CPVL: variants seen among roughly 807,000 people sequenced by gnomAD.
The protein encoded by CPVL is probable serine carboxypeptidase CPVL.
In CPVL, 51 loss-of-function variants were observed where a neutral mutation model predicts 63.7. That is an observed-to-expected ratio of 0.80 (90% confidence interval 0.64 to 1.01). The LOEUF (loss-of-function observed/expected upper bound fraction) is 1.01. CPVL is among the 50% of genes least tolerant of loss of function. CPVL has a pLI of 0.00. For missense variants in CPVL, 530 were observed against 573.1 expected (o/e 0.92, Z 0.77); for synonymous variants, 195 against 206.0 (o/e 0.95, Z 0.46).
rs548449184 is a variant in CPVL at position 29,126,520 on chromosome 7, A to C, written c.-10-5449T>G. The C allele has an allele frequency of 3.9e-5, 6 of 152,310 alleles. No homozygotes were observed. The East Asian group carries it at 1.2e-3, about 29-fold the overall frequency. The allele number at this position is 152,310 out of a possible 1,614,324, so 9.4% of individuals were successfully genotyped here. ...CCAGTAGCATAATCAGATTTGCAAG[A>C]CCTCAAGAAAAGAAACCTGAAAATG... On this transcript the variant is annotated intron_variant, in intron 1 of 12. Coordinates refer to ENST00000265394, the MANE Select transcript of CPVL (RefSeq NM_031311.5).
chr7:29,135,674 G>A (rs551936946), intron 1 of CPVL, among the ~76,000 whole-genome samples: 3 of 151,452 alleles, frequency 2.0e-5, no homozygotes, highest in African/African-American at 4.8e-5. Context: ...AAATACATAA[G>A]AGTTATTTAT....
rs964437207 is a variant in CPVL, at chr7:29,091,881, A to T, written c.542+742T>A. Among the ~76,000 whole-genome samples the T allele has an allele frequency of 6.6e-5, 10 of 152,098 alleles. 1 individual carries two copies. The highest frequency in any genetic ancestry group is 2.2e-4 in the African/African-American group (9 of 41,392). On this transcript the variant is annotated intron_variant, in intron 6 of 12. Coordinates refer to ENST00000265394, the MANE Select transcript of CPVL (RefSeq NM_031311.5). Reference sequence around the variant, plus strand: ...TATTAGATGCACTTTCGCTTTGAGGATTGGTAGTAATTAACAGAGTGCTTG... The same window carrying T: ...TATTAGATGCACTTTCGCTTTGAGGTTTGGTAGTAATTAACAGAGTGCTTG...
chr7:29,086,638 G>T (rs1785230777), intron 6 of CPVL, 88 bp from the exon 7 acceptor site: 1 of 976,976 alleles, frequency 1.0e-6, no homozygotes, highest in South Asian at 1.3e-5. Context: ...CTAACTCTTT[G>T]GCAATAGGTT....
At chr7:29,157,721 C>G (rs959908575) in intron 5 of CPVL, among the ~76,000 whole-genome samples, 3 of 152,268 alleles carry the variant, frequency 2.0e-5, no homozygotes, top group Non-Finnish European at 2.9e-5. Context: ...TGAACAAGAT[C>G]TGGTGATAGA....
At chr7:29,080,998 G>A (rs1584202533) in intron 7 of CPVL, among the ~76,000 whole-genome samples, 1 of 152,280 alleles carries the variant, frequency 6.6e-6, no homozygotes, top group South Asian at 2.1e-4. Context: ...CCCATCCACT[G>A]CCACAACCTC....
chr7:29,039,759 T>C (rs962074048), intron 11 of CPVL, among the ~76,000 whole-genome samples: 7 of 152,126 alleles, frequency 4.6e-5, no homozygotes, highest in African/African-American at 1.7e-4. Flanking sequence ...ATTACAGAAA[T>C]ACCAGAGAAG....
intron 3 of CPVL, among the ~76,000 whole-genome samples, chr7:29,107,423 T>C (rs1176370874): frequency 6.6e-6 from 1 of 152,228 alleles, no homozygotes; most frequent in Non-Finnish European, 1.5e-5. Context: ...CAGAATGTAA[T>C]GCTGGGATGG....
intron 12 of CPVL, among the ~76,000 whole-genome samples, chr7:29,026,257 A>T (rs1787482515): frequency 6.6e-6 from 1 of 152,148 alleles, no homozygotes; most frequent in Non-Finnish European, 1.5e-5. Context: ...AAATTTAAAC[A>T]TTTCTTGAAA....
chr7:29,052,030 T>A (rs1282550789), intron 11 of CPVL, among the ~76,000 whole-genome samples: 1 of 151,772 alleles, frequency 6.6e-6, no homozygotes, highest in African/African-American at 2.4e-5. Flanking sequence ...TTGGAGACTA[T>A]CAAGCGAAGT....
chr7:29,037,552 C>CAAAAAAAAA (rs35631871), intron 11 of CPVL, among the ~76,000 whole-genome samples: 5 of 56,336 alleles, frequency 8.9e-5, no homozygotes, highest in Non-Finnish European at 9.4e-5. Context: ...GACTCCATCT[C>CAAAAAAAAA]AAAAAAAAAA....
chr7:29,192,365 A>G (rs1782999104), intron 1 of CPVL: 1 of 152,222 alleles, frequency 6.6e-6, no homozygotes, highest in African/African-American at 2.4e-5. Context: ...TCTCCAGTTA[A>G]AACACTATGA....
intron 3 of CPVL, chr7:29,185,406 A>G (rs924473435): frequency 6.6e-6 from 1 of 152,216 alleles, no homozygotes; most frequent in Non-Finnish European, 1.5e-5. Context: ...ATTTTCTCAT[A>G]TCATGATGTC....
At chr7:29,187,086 G>A (rs141470946) in intron 1 of CPVL, among the ~76,000 whole-genome samples, 1 of 152,286 alleles carries the variant, frequency 6.6e-6, no homozygotes, top group Non-Finnish European at 1.5e-5. Context: ...CTTAAGGAGA[G>A]TGACTTTTCT....
intron 12 of CPVL, among the ~76,000 whole-genome samples, chr7:28,997,857 A>G (rs1784242753): frequency 6.6e-6 from 1 of 152,224 alleles, no homozygotes; most frequent in Non-Finnish European, 1.5e-5. Flanking sequence ...TATTTCACAT[A>G]TTACAGTGAG....
At chr7:29,195,374 G>A, upstream of CPVL, 2 of 228,456 alleles carry the variant, frequency 8.8e-6, no homozygotes, top group African/African-American at 2.3e-5. Context: ...GCCGTGCCGC[G>A]CCCGCTACCC....
chr7:29,172,013 G>GA (rs1013955652), intron 5 of CPVL, among the ~76,000 whole-genome samples: 1 of 152,136 alleles, frequency 6.6e-6, no homozygotes, highest in Non-Finnish European at 1.5e-5. Flanking sequence ...GTACACAGGA[G>GA]AAAAAACTCA....
chr7:29,025,593 T>C lies in CPVL; in HGVS notation c.1320+4984A>G, dbSNP rs141745820. ...AAACATCCAAACCATATCAGCTACCTGCAAGAAACTCACATCAGCTGCAAA... is the reference window on the plus strand; with the variant it reads ...AAACATCCAAACCATATCAGCTACCCGCAAGAAACTCACATCAGCTGCAAA... On this transcript the variant is annotated intron_variant, in intron 12 of 12. Coordinates refer to ENST00000265394, the MANE Select transcript of CPVL (RefSeq NM_031311.5). Among the ~76,000 whole-genome samples, 133 of 152,246 alleles carry C rather than the reference T, an allele frequency of 8.7e-4. 1 individual carries two copies. The highest frequency in any genetic ancestry group is 3.1e-3 in the African/African-American group (127 of 41,530).
At chr7:29,021,852 TCCCTGAACCCCTGCA>T (rs1787016450) in intron 12 of CPVL, among the ~76,000 whole-genome samples, 1 of 151,892 alleles carries the variant, frequency 6.6e-6, no homozygotes, top group African/African-American at 2.4e-5. Context: ...CATATCTACA[TCCCTGAACCCCTGCA>T]GACACCCCCC....
intron 6 of CPVL, among the ~76,000 whole-genome samples, chr7:29,091,986 C>T (rs1378596607): frequency 1.3e-5 from 2 of 152,026 alleles, no homozygotes; most frequent in Non-Finnish European, 2.9e-5. Flanking sequence ...ATACATAAAG[C>T]GGTGCCCTAG....
Sources: gnomAD v4.1 joint callset for allele counts (sites outside exome capture counted in the v4.1 genomes callset) on GRCh38, gnomAD v4.1.1 for gene constraint, MANE v1.5 for transcripts, NCBI Gene and HGNC (gene_info 2026-07-23, HGNC 2026-07-21) for gene names.